PTPRT: variants seen among roughly 807,000 people sequenced by gnomAD.
PTPRT encodes the protein protein tyrosine phosphatase receptor type T.
PTPRT carries 56 observed loss-of-function variants against 176.8 expected under a neutral mutation model. That is an observed-to-expected ratio of 0.32 (90% CI 0.26 to 0.40). The LOEUF is 0.40. PTPRT is among the 10% of genes least tolerant of loss of function. The pLI is 1.00. For missense variants in PTPRT, 1,540 were observed against 1,908.2 expected, an observed-to-expected ratio of 0.81 and a Z score of 3.60; for synonymous variants, 783 against 739.0, an observed-to-expected ratio of 1.06 and a Z score of -0.96.
At chr20:43,040,040 CA>C (rs372162478) in intron 1 of PTPRT, among the ~76,000 whole-genome samples, 6 of 143,474 alleles carry the variant, frequency 4.2e-5, no homozygotes, top group South Asian at 2.2e-4. Flanking sequence ...GACCTGGTCT[CA>C]AAAAAAAAGG....
chr20:42,646,309 T>G (rs1050187358), intron 7 of PTPRT, among the ~76,000 whole-genome samples: 15 of 152,206 alleles, frequency 9.9e-5, no homozygotes, highest in Admixed American at 9.2e-4. Flanking sequence ...TTATGGACCA[T>G]GGACCAAATC....
At chr20:42,325,428 A>G (rs760378230) in intron 11 of PTPRT, among the ~76,000 whole-genome samples, 2 of 152,200 alleles carry the variant, frequency 1.3e-5, no homozygotes, top group Non-Finnish European at 2.9e-5. Context: ...GGGTAAAGGA[A>G]TCATGAAAAT....
At chr20:42,926,749 A>G (rs921972199) in intron 1 of PTPRT, among the ~76,000 whole-genome samples, 2 of 152,194 alleles carry the variant, frequency 1.3e-5, no homozygotes, top group Non-Finnish European at 2.9e-5. Context: ...ATACAGAGGA[A>G]ATCATATTTG....
chr20:42,719,996 T>C (rs779791399), intron 6 of PTPRT, among the ~76,000 whole-genome samples: 2 of 152,210 alleles, frequency 1.3e-5, no homozygotes, highest in Non-Finnish European at 2.9e-5. Flanking sequence ...CCCCTAGGTG[T>C]GGGACAATCG....
chr20:42,735,379 C>A (rs2076523717), intron 6 of PTPRT, among the ~76,000 whole-genome samples: 1 of 152,106 alleles, frequency 6.6e-6, no homozygotes, highest in African/African-American at 2.4e-5. Context: ...CCACGGAAAA[C>A]TGAGTTCATG....
At chr20:42,389,852 C>CAA (rs769093573) in intron 9 of PTPRT, among the ~76,000 whole-genome samples, 6 of 127,200 alleles carry the variant, frequency 4.7e-5, no homozygotes, top group African/African-American at 1.4e-4. Flanking sequence ...AAAACCCTGT[C>CAA]AAAAAAAAAA....
At chr20:42,556,067 G>T (rs1265948673) in intron 7 of PTPRT, among the ~76,000 whole-genome samples, 1 of 152,172 alleles carries the variant, frequency 6.6e-6, no homozygotes, top group Non-Finnish European at 1.5e-5. Flanking sequence ...CTCTCTCAAG[G>T]CACACATCTA....
chr20:42,706,203 GTGTGTGTGTGTGTGTA>G (rs1450363087), intron 6 of PTPRT, among the ~76,000 whole-genome samples: 1 of 127,644 alleles, frequency 7.8e-6, no homozygotes, highest in Non-Finnish European at 1.8e-5. Context: ...GTGTGTGTGT[GTGTGTGTGTGTGTGTA>G]TGTGTGTGTG....
chr20:42,072,804 T>A lies in PTPRT; in HGVS notation c.*8075A>T, dbSNP rs1439783728. The A allele has an allele frequency of 4.6e-6, 1 of 216,878 alleles. No homozygotes were observed. Among genetic ancestry groups the A allele is most frequent in the African/African-American group, 2.3e-5 (1 of 44,402 alleles). The allele number at this position is 216,878 out of a possible 1,614,324, so 13.4% of individuals were successfully genotyped here. On this transcript the variant is annotated 3_prime_UTR_variant, in exon 31 of 31. Transcript: ENST00000373187. Reference sequence around the variant, plus strand: ...TCACAGCTTTATTGTATAGATTTTTTAACACAGCCATGTTACAAACATTGT... The same window carrying A: ...TCACAGCTTTATTGTATAGATTTTTAAACACAGCCATGTTACAAACATTGT...
At chr20:42,799,520 A>T (rs2077499832) in intron 2 of PTPRT, among the ~76,000 whole-genome samples, 1 of 152,212 alleles carries the variant, frequency 6.6e-6, no homozygotes, top group Admixed American at 6.5e-5. Flanking sequence ...AATTCAATTC[A>T]ATCTCCCAGG....
At chr20:42,102,637 G>A (rs1259599546) in intron 25 of PTPRT, among the ~76,000 whole-genome samples, 1 of 152,214 alleles carries the variant, frequency 6.6e-6, no homozygotes, top group East Asian at 1.9e-4. Flanking sequence ...GGCCAGCCAG[G>A]AGGGCATACA....
At chr20:42,829,298 T>C (rs1334909160) in intron 2 of PTPRT, among the ~76,000 whole-genome samples, 1 of 152,246 alleles carries the variant, frequency 6.6e-6, no homozygotes, top group Non-Finnish European at 1.5e-5. Context: ...ACCTCCACTG[T>C]ATCTGGGAAG....
At chr20:42,849,937 G>T (rs751261251) in intron 2 of PTPRT, among the ~76,000 whole-genome samples, 1 of 152,122 alleles carries the variant, frequency 6.6e-6, no homozygotes, top group Non-Finnish European at 1.5e-5. Context: ...GTGCTACCTT[G>T]TCCCATTTCC....
chr20:42,084,731 A>G lies in PTPRT; in HGVS notation c.4087T>C (p.Trp1363Arg). 6.4e-7 allele frequency: 1 copy of G among 1,568,216 alleles called. No individual in the cohort carries two copies. Among genetic ancestry groups the G allele is most frequent in the Non-Finnish European group, 8.7e-7 (1 of 1,154,044 alleles). ...TCCCTCCCGTCATACTGCTCCTGCC[A>G]CTTCTCCAGTCGTCGGACCACTTTG... is the stretch of plus-strand genomic sequence containing the variant. The part of the protein sequence containing the change: ...LLKVVRRLEK[W>R]QEQYDGREGR... The change falls in exon 29 of 31, where the codon TGG becomes CGG. Residue 1363 changes from tryptophan to arginine, a missense_variant. Coordinates refer to ENST00000373187, the MANE Select transcript of PTPRT (RefSeq NM_007050.6).
At chr20:42,053,505 T>C in the PTPRT span, among the ~76,000 whole-genome samples, 86 of 152,238 alleles carry the variant, frequency 5.6e-4, no homozygotes, top group African/African-American at 2.0e-3. Flanking sequence ...AACGAGGGCA[T>C]TTCTCACCTC....
At chr20:42,577,542 G>T (rs1455742182) in intron 7 of PTPRT, among the ~76,000 whole-genome samples, 1 of 152,208 alleles carries the variant, frequency 6.6e-6, no homozygotes, top group East Asian at 1.9e-4. Flanking sequence ...GCAGACTGGG[G>T]ATGTTTAGCT....
intron 9 of PTPRT, among the ~76,000 whole-genome samples, chr20:42,446,962 G>A (rs1433993134): frequency 6.6e-6 from 1 of 152,088 alleles, no homozygotes; most frequent in Admixed American, 6.5e-5. Context: ...AGTGAGATAA[G>A]GTGTTTTCTT....
chr20:42,053,041 T>C, the PTPRT span, among the ~76,000 whole-genome samples: 1 of 152,300 alleles, frequency 6.6e-6, no homozygotes, highest in Non-Finnish European at 1.5e-5. Flanking sequence ...GTGGCTGTGT[T>C]CCAATACATT....
intron 9 of PTPRT, among the ~76,000 whole-genome samples, chr20:42,390,954 G>A (rs1205263884): frequency 2.0e-5 from 3 of 152,142 alleles, no homozygotes; most frequent in East Asian, 3.9e-4. Flanking sequence ...TTTTATTTAG[G>A]TTTACTCCGA....
Sources: gnomAD v4.1 joint callset for allele counts (sites outside exome capture counted in the v4.1 genomes callset) on GRCh38, gnomAD v4.1.1 for gene constraint, MANE v1.5 for transcripts, NCBI Gene and HGNC (gene_info 2026-07-23, HGNC 2026-07-21) for gene names.